The following MBTD1 variants were observed in gnomAD, a reference collection of about 807,000 sequenced individuals.
MBTD1 encodes mbt domain containing 1, also known as MBT domain-containing protein 1.
A neutral mutation model predicts 87.8 loss-of-function variants in MBTD1; 24 were observed. That is an observed-to-expected ratio of 0.27 (90% confidence interval 0.20 to 0.38). The LOEUF is 0.38. Among genes scored for constraint, MBTD1 ranks in the 10% least tolerant of loss-of-function variants. The pLI is 1.00. For missense variants in MBTD1, 436 were observed against 760.2 expected, an observed-to-expected ratio of 0.57 and a Z score of 5.02; for synonymous variants, 237 against 248.6, an observed-to-expected ratio of 0.95 and a Z score of 0.44.
At chr17:51,247,049 T>G (rs1451299484) in intron 2 of MBTD1, among the ~76,000 whole-genome samples, 1 of 152,204 alleles carries the variant, frequency 6.6e-6, no homozygotes, top group Non-Finnish European at 1.5e-5. Context: ...CTTAATAAGA[T>G]TCTGGCTTTA....
chr17:51,257,410 G>C (rs772522606), intron 2 of MBTD1, among the ~76,000 whole-genome samples: 1 of 152,156 alleles, frequency 6.6e-6, no homozygotes, highest in Non-Finnish European at 1.5e-5. Flanking sequence ...CAGTGGTTTA[G>C]TATTTATCCT....
chr17:51,185,449 G>C (rs190100234), intron 16 of MBTD1: 21 of 152,254 alleles, frequency 1.4e-4, no homozygotes, highest in Non-Finnish European at 2.8e-4. Context: ...AATTACACTC[G>C]AATCAAATGC....
chr17:51,247,441 CTTTTTTTTTTTT>C (rs58720477), intron 2 of MBTD1, among the ~76,000 whole-genome samples: 4 of 132,042 alleles, frequency 3.0e-5, no homozygotes, highest in East Asian at 2.2e-4. Context: ...ATCAGTATTA[CTTTTTTTTTTTT>C]TTTTTTTTTT....
intron 12 of MBTD1, among the ~76,000 whole-genome samples, chr17:51,195,569 A>G (rs1413746634): frequency 6.6e-6 from 1 of 152,202 alleles, no homozygotes; most frequent in Admixed American, 6.5e-5. Flanking sequence ...CAAAAGCAGG[A>G]TTACCTATAA....
chr17:51,196,625 C>G (rs1277427904), intron 12 of MBTD1, among the ~76,000 whole-genome samples: 3 of 151,866 alleles, frequency 2.0e-5, no homozygotes, highest in Admixed American at 6.6e-5. Context: ...GGCGTGGTAG[C>G]TCATGCCTGT....
intron 16 of MBTD1, among the ~76,000 whole-genome samples, chr17:51,189,225 T>C (rs994898415): frequency 9.9e-5 from 15 of 152,170 alleles, no homozygotes; most frequent in African/African-American, 3.6e-4. Flanking sequence ...ACAGACTATA[T>C]TTCTCTTCTA....
chr17:51,240,980 AT>A (rs916972325), intron 2 of MBTD1, among the ~76,000 whole-genome samples: 8 of 148,552 alleles, frequency 5.4e-5, no homozygotes, highest in African/African-American at 7.4e-5. Flanking sequence ...GGTGATGTTA[AT>A]TTTTTTTTTT....
At chr17:51,232,904 T>G (rs893285077) in intron 2 of MBTD1, among the ~76,000 whole-genome samples, 1 of 151,004 alleles carries the variant, frequency 6.6e-6, no homozygotes, top group Non-Finnish European at 1.5e-5. Context: ...TAAAAAAAAT[T>G]AGGCAGCTGT....
At chr17:51,234,844 C>G (rs751516503) in intron 2 of MBTD1, among the ~76,000 whole-genome samples, 18 of 152,184 alleles carry the variant, frequency 1.2e-4, no homozygotes, top group Non-Finnish European at 2.4e-4. Flanking sequence ...CAGGCATATA[C>G]CACCACGCCT....
chr17:51,241,763 A>G (rs1305640884), intron 2 of MBTD1, among the ~76,000 whole-genome samples: 3 of 151,986 alleles, frequency 2.0e-5, no homozygotes, highest in African/African-American at 7.3e-5. Context: ...GACGGGTTTC[A>G]CCATGTTTGC....
chr17:51,190,890 G>C (rs1008438237), intron 16 of MBTD1, among the ~76,000 whole-genome samples: 1 of 151,180 alleles, frequency 6.6e-6, no homozygotes, highest in Non-Finnish European at 1.5e-5. Context: ...AGACCAGCCT[G>C]GGCAACGTGG....
At chr17:51,258,650 T>C (rs1409849504) in intron 2 of MBTD1, among the ~76,000 whole-genome samples, 2 of 152,254 alleles carry the variant, frequency 1.3e-5, no homozygotes, top group Non-Finnish European at 2.9e-5. Flanking sequence ...ACCACTTCAG[T>C]TTTAGACATC....
intron 16 of MBTD1, among the ~76,000 whole-genome samples, chr17:51,189,505 A>G (rs2050700062): frequency 6.6e-6 from 1 of 152,318 alleles, no homozygotes; most frequent in African/African-American, 2.4e-5. Flanking sequence ...TTAATTACAT[A>G]TTTCTTTCCA....
chr17:51,193,094 A>G, intron 14 of MBTD1, 78 bp from the exon 15 acceptor site: 1 of 904,652 alleles, frequency 1.1e-6, no homozygotes, highest in Non-Finnish European at 1.7e-6. Flanking sequence ...AGAAAGCAAA[A>G]AACAGAAGCG....
chr17:51,237,377 GAC>G (rs1424140020), intron 2 of MBTD1, among the ~76,000 whole-genome samples: 1 of 149,798 alleles, frequency 6.7e-6, no homozygotes, highest in Non-Finnish European at 1.5e-5. Flanking sequence ...CTCTTTGAAA[GAC>G]AATGTTTAAG....
At chr17:51,226,013 A>G (rs2053195455) in intron 2 of MBTD1, among the ~76,000 whole-genome samples, 1 of 150,568 alleles carries the variant, frequency 6.6e-6, no homozygotes, top group African/African-American at 2.4e-5. Context: ...TCCTGAACTC[A>G]GGTGATCCGC....
intron 12 of MBTD1, 68 bp downstream of exon 12, chr17:51,201,524 A>C: frequency 1.4e-5 from 12 of 872,366 alleles, no homozygotes; most frequent in Non-Finnish European, 2.0e-5. Flanking sequence ...ATGCTTGGGG[A>C]CTCCTTCTAT....
chr17:51,178,682 G>GTTTTCA lies in MBTD1; in HGVS notation c.*1893_*1894insTGAAAA, dbSNP rs1211504386. On this transcript the variant is annotated 3_prime_UTR_variant, in exon 17 of 17. Coordinates refer to ENST00000586178, the MANE Select transcript of MBTD1 (RefSeq NM_017643.3). The stretch of plus-strand genomic sequence containing the variant: ...AGATTTTTCAAAGTTAAAGATATGG[G>GTTTTCA]AAGTGTGAGGATGTCACATTTACAG... 7.4e-4 allele frequency: 113 copies of GTTTTCA among 152,288 alleles called. No individual in the cohort carries two copies. Among genetic ancestry groups the GTTTTCA allele is most frequent in the African/African-American group, 1.9e-3 (79 of 41,570 alleles). 9.4% of individuals were successfully genotyped at this position (152,288 alleles called of 1,614,324 possible).
rs1333860799 is a variant in MBTD1 at position 51,179,512 on chromosome 17, A to T, written c.*1064T>A. ...TATATATATATATATATATATATAT[A>T]TATATATATATATATATATATATAT... On this transcript the variant is annotated 3_prime_UTR_variant, in exon 17 of 17. Transcript: ENST00000586178. 9.2e-4 allele frequency: 89 copies of T among 96,970 alleles called. 4 individuals carry two copies. Among genetic ancestry groups the T allele is most frequent in the Admixed American group, 2.5e-3 (23 of 9,322 alleles). 6.0% of individuals were successfully genotyped at this position (96,970 alleles called of 1,614,324 possible).
Sources: gnomAD v4.1 joint callset for allele counts (sites outside exome capture counted in the v4.1 genomes callset) on GRCh38, gnomAD v4.1.1 for gene constraint, MANE v1.5 for transcripts, NCBI Gene and HGNC (gene_info 2026-07-23, HGNC 2026-07-21) for gene names.